Variants in FABP6 observed in about 807,000 individuals in gnomAD.
The protein encoded by FABP6 is gastrotropin.
FABP6 carries 13 observed loss-of-function variants against 14.9 expected under a neutral mutation model. That is an observed-to-expected ratio of 0.87 (90% CI 0.57 to 1.39). FABP6 has a LOEUF of 1.39. Among genes scored for constraint, FABP6 ranks in the 40% most tolerant of loss-of-function variants. FABP6 has a pLI of 0.00. For missense variants in FABP6, 161 were observed against 167.2 expected (o/e 0.96, Z 0.20); for synonymous variants, 75 against 63.6 (o/e 1.18, Z -0.85).
rs1554111881 is a variant in FABP6, at chr5:160,197,952, GTA to G, written c.-58-1095_-58-1094del. The G allele has an allele frequency of 4.0e-3, 468 of 116,092 alleles. 2 individuals carry two copies. Among genetic ancestry groups the G allele is most frequent in the African/African-American group, 0.011 (341 of 31,470 alleles). The allele number at this position is 116,092 out of a possible 1,614,324, so 7.2% of individuals were successfully genotyped here. On this transcript the variant is annotated intron_variant, in intron 1 of 6. Coordinates refer to the FABP6 transcript ENST00000393980. ...TGTGTGTGTGTGTGTGTGTGTGTGT[GTA>G]TGTGTGTGTGTGTGTGTATGTGTGT...
In FABP6 at chr5:160,216,945, CAAGAGTG is replaced by C. The variant is rs1401540973; in HGVS notation, c.135+3127_135+3133del. Among the ~76,000 whole-genome samples the C allele has an allele frequency of 4.6e-5, 7 of 152,132 alleles. 1 individual carries two copies. The highest frequency in any genetic ancestry group is 1.4e-4 in the African/African-American group (6 of 41,440). On this transcript the variant is annotated intron_variant, in intron 3 of 6. Coordinates refer to the FABP6 transcript ENST00000393980. The stretch of plus-strand genomic sequence containing the variant: ...CAAATTGTTCCTTTTAGTTAGTGGA[CAAGAGTG>C]CAGGACCTGTAGCCAGACATCCTCC...
chr5:160,213,435 G>A (rs183367660), intron 2 of FABP6, among the ~76,000 whole-genome samples: 1 of 152,214 alleles, frequency 6.6e-6, no homozygotes, highest in Non-Finnish European at 1.5e-5. Flanking sequence ...TGATAGGGGT[G>A]CAAATTGCCC....
Position 160,229,738 on chromosome 5 carries a change from CTCAT to C in FABP6, c.67+126_67+129del, listed in dbSNP as rs912975458. 1.0e-5 allele frequency: 9 copies of C among 864,314 alleles called. 1 individual carries two copies. The Admixed American group carries it at 1.0e-4, about 10-fold the overall frequency. 53.5% of individuals were successfully genotyped at this position (864,314 alleles called of 1,614,324 possible). A position where few individuals can be genotyped will look rare whatever the true frequency, so the allele number is the denominator to read the frequency against. On this transcript the variant is annotated intron_variant, in intron 1 of 3. Coordinates refer to ENST00000402432, the MANE Select transcript of FABP6 (RefSeq NM_001445.3). The stretch of plus-strand genomic sequence containing the variant: ...TTTCATCCATTCATTCACTCACTCA[CTCAT>C]TCATTCATTCACACATTTGTTGAGC...
intron 2 of FABP6, chr5:160,199,292 C>A: frequency 1.2e-6 from 1 of 863,400 alleles, no homozygotes; most frequent in Non-Finnish European, 1.9e-6. Context: ...GTCATGGCTC[C>A]AAAGCCCTTT....
intron 2 of FABP6, among the ~76,000 whole-genome samples, chr5:160,200,786 C>G (rs1040631951): frequency 6.6e-6 from 1 of 152,156 alleles, no homozygotes; most frequent in African/African-American, 2.4e-5. Flanking sequence ...CCATGGGCAT[C>G]TCTTGGGATG....
chr5:160,204,033 G>A (rs1258880081), intron 2 of FABP6, among the ~76,000 whole-genome samples: 1 of 150,814 alleles, frequency 6.6e-6, no homozygotes, highest in African/African-American at 2.4e-5. Context: ...AAATATTTCA[G>A]TATAAATTTC....
intron 2 of FABP6, among the ~76,000 whole-genome samples, chr5:160,212,712 G>A (rs896366699): frequency 2.6e-5 from 4 of 151,862 alleles, no homozygotes; most frequent in East Asian, 1.9e-4. Flanking sequence ...CTTGTGAGCC[G>A]CCTGCCTCAG....
Position 160,190,037 on chromosome 5 carries a change from A to C in FABP6, c.-59+2583A>C, listed in dbSNP as rs577197525. Among the ~76,000 whole-genome samples, 135 of 152,314 alleles carry C rather than the reference A, an allele frequency of 8.9e-4. 1 individual carries two copies. Among genetic ancestry groups the C allele is most frequent in the Non-Finnish European group, 1.7e-3 (118 of 68,028 alleles). Reference sequence around the variant, plus strand: ...AGCCAAGGTTTGAACTGGCTGTATTAGATCTGCCTTCAGAGCCCCTACTCA... The same window carrying C: ...AGCCAAGGTTTGAACTGGCTGTATTCGATCTGCCTTCAGAGCCCCTACTCA... On this transcript the variant is annotated intron_variant, in intron 1 of 6. Coordinates refer to the FABP6 transcript ENST00000393980.
intron 2 of FABP6, 73 bp downstream of exon 2, chr5:160,232,346 C>A: frequency 1.4e-6 from 2 of 1,437,408 alleles, no homozygotes; most frequent in Non-Finnish European, 1.9e-6. Context: ...CATGGCCTCC[C>A]CGCTCCCGAG....
At chr5:160,234,747 C>G in intron 2 of FABP6, 73 bp from the exon 3 acceptor site, 2 of 1,224,754 alleles carry the variant, frequency 1.6e-6, no homozygotes, top group Non-Finnish European at 2.3e-6. Context: ...CTTCTTACTG[C>G]CCGCGCCACC....
intron 1 of FABP6, among the ~76,000 whole-genome samples, chr5:160,195,404 T>G (rs1759489858): frequency 6.6e-6 from 1 of 151,728 alleles, no homozygotes; most frequent in Non-Finnish European, 1.5e-5. Context: ...ACTGCTGGAC[T>G]GGCCACTGCC....
intron 3 of FABP6, among the ~76,000 whole-genome samples, chr5:160,236,594 C>T (rs1760521779): frequency 6.6e-6 from 1 of 152,190 alleles, no homozygotes; most frequent in Non-Finnish European, 1.5e-5. Context: ...CAGATCTCAT[C>T]TGCTGACTTC....
At chr5:160,234,377 T>A (rs1486655930) in intron 2 of FABP6, among the ~76,000 whole-genome samples, 5 of 98,132 alleles carry the variant, frequency 5.1e-5, no homozygotes. Flanking sequence ...CTAAGAAATC[T>A]GACTTTTTTT....
In FABP6 at chr5:160,236,112, T is replaced by G. The variant is rs74295161; in HGVS notation, c.333+1203T>G. 7.6e-3 allele frequency among the ~76,000 whole-genome samples: 1,153 copies of G among 151,748 alleles called. 71 individuals carry two copies. In the East Asian group the frequency reaches 0.17, roughly 22 times the overall value. On this transcript the variant is annotated intron_variant, in intron 3 of 3. Transcript: ENST00000402432. ...CTCACTGCAACCTCCGCCCTCAGGT[T>G]CAAGCAATTCTCCTTCCTCAGCCTC...
At chr5:160,226,880 G>A (rs1426364313), upstream of FABP6, among the ~76,000 whole-genome samples, 3 of 152,192 alleles carry the variant, frequency 2.0e-5, no homozygotes, top group Non-Finnish European at 4.4e-5. Context: ...CTGAAAGGCA[G>A]TAAAGTAATA....
intron 2 of FABP6, among the ~76,000 whole-genome samples, chr5:160,233,597 G>A (rs1760438643): frequency 6.6e-6 from 1 of 152,142 alleles, no homozygotes; most frequent in Non-Finnish European, 1.5e-5. Flanking sequence ...GAAACTGGCC[G>A]GGCACGGTGG....
chr5:160,222,100 T>C lies in FABP6; in HGVS notation c.136-7446T>C, dbSNP rs965704820. 9.3e-5 allele frequency among the ~76,000 whole-genome samples: 14 copies of C among 150,460 alleles called. No individual in the cohort carries two copies. In the East Asian group the frequency reaches 2.3e-3, roughly 25 times the overall value. ...CTTTCCAAATTTTTTCTTTTCTTTT[T>C]TTTTTTTTTTTTAGACAGGGTCTTT... On this transcript the variant is annotated intron_variant, in intron 3 of 6. Transcript: ENST00000393980.
At chr5:160,220,939 T>C (rs995874762) in intron 3 of FABP6, among the ~76,000 whole-genome samples, 5 of 151,572 alleles carry the variant, frequency 3.3e-5, no homozygotes, top group Non-Finnish European at 7.4e-5. Context: ...AATACAAAAA[T>C]TAGCCGGGCG....
At chr5:160,209,984 C>A (rs1759852201) in intron 2 of FABP6, among the ~76,000 whole-genome samples, 1 of 152,180 alleles carries the variant, frequency 6.6e-6, no homozygotes, top group South Asian at 2.1e-4. Flanking sequence ...TACAATCAAC[C>A]TGTGCACAGT....
Sources: allele counts gnomAD v4.1 joint callset (sites outside exome capture counted in the v4.1 genomes callset), GRCh38; gene constraint gnomAD v4.1.1; transcripts MANE v1.5; gene names NCBI Gene and HGNC (gene_info 2026-07-23, HGNC 2026-07-21).